Variants in ARHGAP29 observed in about 807,000 individuals in gnomAD.
ARHGAP29 encodes the protein rho GTPase-activating protein 29.
A neutral mutation model predicts 122.6 loss-of-function variants in ARHGAP29; 43 were observed. That is an observed-to-expected ratio of 0.35 (90% confidence interval 0.27 to 0.45). The LOEUF is 0.45. Among genes scored for constraint, ARHGAP29 ranks in the 20% least tolerant of loss-of-function variants. ARHGAP29 has a pLI of 1.00. For synonymous variants in ARHGAP29, 506 were observed against 497.1 expected (o/e 1.02, Z -0.24); for missense variants, 1,303 against 1,477.2 (o/e 0.88, Z 1.93).
At chr1:94,285,387 G>A in the ARHGAP29 span, among the ~76,000 whole-genome samples, 1 of 152,106 alleles carries the variant, frequency 6.6e-6, no homozygotes, top group African/African-American at 2.4e-5. Context: ...ACAAGCTAGT[G>A]TGAGAGACAG....
At chr1:94,296,128 A>G in the ARHGAP29 span, among the ~76,000 whole-genome samples, 5 of 152,184 alleles carry the variant, frequency 3.3e-5, no homozygotes, top group African/African-American at 1.2e-4. Flanking sequence ...AAAAAATTCC[A>G]AAAATAAACA....
chr1:94,191,526 A>C (rs1205782641), intron 12 of ARHGAP29: 1 of 152,206 alleles, frequency 6.6e-6, no homozygotes, highest in East Asian at 1.9e-4. Flanking sequence ...AGAAACAAAG[A>C]AAATTCAAAC....
At chr1:94,298,473 T>A in the ARHGAP29 span, among the ~76,000 whole-genome samples, 3 of 152,330 alleles carry the variant, frequency 2.0e-5, no homozygotes, top group South Asian at 4.1e-4. Context: ...TGCAAGAGCA[T>A]TAGACATTAG....
chr1:94,169,629 T>C lies in ARHGAP29; in HGVS notation c.*4240A>G, dbSNP rs1488489998. On this transcript the variant is annotated 3_prime_UTR_variant, in exon 23 of 23. Coordinates refer to ENST00000260526, the MANE Select transcript of ARHGAP29 (RefSeq NM_004815.4). Reference sequence around the variant, plus strand: ...GTAGGTGACTATTCTTGAATGTGTGTAGACACACGTTTTCCTTTGAGCTGT... The same window carrying C: ...GTAGGTGACTATTCTTGAATGTGTGCAGACACACGTTTTCCTTTGAGCTGT... Among the ~76,000 whole-genome samples, 1 of 152,208 alleles carries C rather than the reference T, an allele frequency of 6.6e-6. No homozygotes were observed. Among genetic ancestry groups the C allele is most frequent in the Non-Finnish European group, 1.5e-5 (1 of 68,034 alleles).
intron 1 of ARHGAP29, among the ~76,000 whole-genome samples, chr1:94,258,889 C>A (rs1204580215): frequency 6.6e-6 from 1 of 152,168 alleles, no homozygotes; most frequent in Non-Finnish European, 1.5e-5. Flanking sequence ...ACTCAAAAAA[C>A]CCACATCTTT....
chr1:94,263,558 T>G (rs1654642758), intron 1 of ARHGAP29, among the ~76,000 whole-genome samples: 1 of 152,228 alleles, frequency 6.6e-6, no homozygotes, highest in Admixed American at 6.5e-5. Context: ...TTCCATTCCC[T>G]TCCCTATTTC....
intron 1 of ARHGAP29, among the ~76,000 whole-genome samples, chr1:94,246,411 G>A (rs539954071): frequency 8.5e-4 from 129 of 152,270 alleles, no homozygotes; most frequent in African/African-American, 2.9e-3. Flanking sequence ...AGGAGGAAGC[G>A]AAGCTAATTC....
In ARHGAP29 at chr1:94,202,538, C is replaced by G; in HGVS notation, c.1143+6G>C. 1.2e-6 allele frequency: 2 copies of G among 1,612,576 alleles called. No homozygotes were observed. Among genetic ancestry groups the G allele is most frequent in the Non-Finnish European group, 1.7e-6 (2 of 1,179,702 alleles). ...ACTTGCAAATAAAAAAGAAAAAGAT[C>G]GTTACTTTTTGGAGAGCCTCCTCTT... On this transcript the variant is annotated splice_donor_region_variant and intron_variant, in intron 11 of 22. Transcript: ENST00000260526.
At chr1:94,291,349 G>A in the ARHGAP29 span, among the ~76,000 whole-genome samples, 1 of 152,152 alleles carries the variant, frequency 6.6e-6, no homozygotes, top group Non-Finnish European at 1.5e-5. Context: ...GTGTGTCTTT[G>A]CACATGAGAT....
At chr1:94,184,065 T>G in intron 19 of ARHGAP29, 86 bp downstream of exon 19, 2 of 1,436,446 alleles carry the variant, frequency 1.4e-6, no homozygotes, top group South Asian at 1.2e-5. Flanking sequence ...TGAAAAAACA[T>G]GTGTAGCAAA....
In ARHGAP29 at chr1:94,171,148, A is replaced by G. The variant is rs1426459751; in HGVS notation, c.*2721T>C. On this transcript the variant is annotated 3_prime_UTR_variant, in exon 23 of 23. Transcript: ENST00000260526. ...TCCAGTTGTATAAATACTGTAACAC[A>G]ACGATAGCTGGGAATAGTGTAGCCA... is the stretch of plus-strand genomic sequence containing the variant. Among the ~76,000 whole-genome samples, 1 of 152,196 alleles carries G rather than the reference A, an allele frequency of 6.6e-6. No individual in the cohort carries two copies. Among genetic ancestry groups the G allele is most frequent in the African/African-American group, 2.4e-5 (1 of 41,442 alleles).
the ARHGAP29 span, among the ~76,000 whole-genome samples, chr1:94,311,373 CTCTCTT>C: frequency 6.6e-6 from 1 of 152,184 alleles, no homozygotes; most frequent in African/African-American, 2.4e-5. Context: ...CTCCCTCTCT[CTCTCTT>C]TCTCTCTTGT....
intron 1 of ARHGAP29, among the ~76,000 whole-genome samples, chr1:94,234,470 A>G (rs1422283462): frequency 1.3e-5 from 2 of 152,202 alleles, no homozygotes; most frequent in Non-Finnish European, 2.9e-5. Context: ...TTGGATTTCT[A>G]TTATTGCTCC....
At chr1:94,282,699 C>G in the ARHGAP29 span, among the ~76,000 whole-genome samples, 1 of 152,158 alleles carries the variant, frequency 6.6e-6, no homozygotes, top group African/African-American at 2.4e-5. Flanking sequence ...CTCTTCTCTT[C>G]TGCCTAGAGG....
rs1188357906 is a variant in ARHGAP29 at position 94,171,557 on chromosome 1, A to T, written c.*2312T>A. On this transcript the variant is annotated 3_prime_UTR_variant, in exon 23 of 23. Coordinates refer to ENST00000260526, the MANE Select transcript of ARHGAP29 (RefSeq NM_004815.4). ...GTTGCAAAAAACAACTTCTGGATAA[A>T]TGATTTCCACCACACTATTAGATAG... is the stretch of plus-strand genomic sequence containing the variant. Among the ~76,000 whole-genome samples, 1 of 152,184 alleles carries T rather than the reference A, an allele frequency of 6.6e-6. No homozygotes were observed. The highest frequency in any genetic ancestry group is 1.9e-4 in the East Asian group (1 of 5,200).
Position 94,233,305 on chromosome 1 carries a change from T to C in ARHGAP29, c.-32-1662A>G, listed in dbSNP as rs1284901852. Among the ~76,000 whole-genome samples, 5 of 152,076 alleles carry C rather than the reference T, an allele frequency of 3.3e-5. No individual in the cohort carries two copies. The East Asian group carries it at 7.7e-4, about 24-fold the overall frequency. ...TTCTAGTCATATGTAAGATACATTA[T>C]TGTATCATTTACTCCTTCCTATATC... On this transcript the variant is annotated intron_variant, in intron 1 of 22. Transcript: ENST00000260526.
chr1:94,287,519 T>A, the ARHGAP29 span, among the ~76,000 whole-genome samples: 6 of 151,984 alleles, frequency 3.9e-5, no homozygotes, highest in East Asian at 1.9e-4. Context: ...TTATTATTAT[T>A]ATACTTTAAG....
the ARHGAP29 span, among the ~76,000 whole-genome samples, chr1:94,310,786 G>A: frequency 5.9e-5 from 9 of 152,020 alleles, no homozygotes; most frequent in Admixed American, 2.6e-4. Flanking sequence ...TGATAAAGGG[G>A]GGCAGGAGAG....
chr1:94,254,231 T>C (rs986301560), intron 1 of ARHGAP29, among the ~76,000 whole-genome samples: 2 of 152,210 alleles, frequency 1.3e-5, no homozygotes, highest in Non-Finnish European at 2.9e-5. Flanking sequence ...TTTACCTTAT[T>C]CTTCTTGATG....
Sources: gnomAD v4.1 joint callset for allele counts (sites outside exome capture counted in the v4.1 genomes callset) on GRCh38, gnomAD v4.1.1 for gene constraint, MANE v1.5 for transcripts, NCBI Gene and HGNC (gene_info 2026-07-23, HGNC 2026-07-21) for gene names.